Variants in SCUBE3 observed in about 807,000 individuals in gnomAD.
SCUBE3 encodes the protein signal peptide, CUB domain and EGF like domain containing 3.
In SCUBE3, 33 loss-of-function variants were observed where a neutral mutation model predicts 116.8. The ratio of observed to expected loss-of-function variants is 0.28; its 90% CI spans 0.21 to 0.38. The LOEUF (loss-of-function observed/expected upper bound fraction) is 0.38. Ranked by LOEUF, SCUBE3 falls within the 10% of genes least tolerant of loss-of-function variation. SCUBE3 has a pLI of 1.00. For missense variants in SCUBE3, 1,007 were observed against 1,324.8 expected (o/e 0.76, Z 3.72); for synonymous variants, 418 against 496.9 (o/e 0.84, Z 2.11).
At chr6:35,246,935 C>T (rs1028380646) in intron 21 of SCUBE3, among the ~76,000 whole-genome samples, 12 of 151,646 alleles carry the variant, frequency 7.9e-5, no homozygotes, top group Middle Eastern at 6.4e-3. Context: ...GCCGAGATGG[C>T]GCCATCGCAC....
chr6:35,240,521 C>T lies in SCUBE3; in HGVS notation c.1069+31C>T. The T allele has an allele frequency of 8.4e-7, 1 of 1,187,442 alleles. No homozygotes were observed. The highest frequency in any genetic ancestry group is 1.3e-5 in the South Asian group (1 of 75,290). 73.6% of individuals were successfully genotyped at this position (1,187,442 alleles called of 1,614,324 possible). ...CTAGTAAGCTTGCACCCCCAGCCAC[C>T]CTGGCCCCCTCACCTCTTCACCCTC... On this transcript the variant is annotated intron_variant, in intron 9 of 21. Coordinates refer to ENST00000274938, the MANE Select transcript of SCUBE3 (RefSeq NM_152753.4). The surrounding 1 kb of genome is among the most constrained non-coding windows in gnomAD (Gnocchi z 4.6).
intron 7 of SCUBE3, 58 bp downstream of exon 7, chr6:35,238,076 A>T: frequency 9.9e-7 from 1 of 1,010,262 alleles, no homozygotes; most frequent in Non-Finnish European, 1.5e-6. Context: ...TGAGGTTGGG[A>T]CCAGAGATAG....
rs756591342 is a variant in SCUBE3, at chr6:35,240,356, G to C, written c.953-18G>C. On this transcript the variant is annotated intron_variant, in intron 8 of 21. Transcript: ENST00000274938. This position sits in a 1 kb window ranked among gnomAD's most constrained non-coding sequence, Gnocchi z 4.6. ...TGCTCCAAGACAGATTCAGTGGCTTGAATCTTTGCTCTTCCAGATATAGAC... is the reference window on the plus strand; with the variant it reads ...TGCTCCAAGACAGATTCAGTGGCTTCAATCTTTGCTCTTCCAGATATAGAC... 6 of 1,494,408 alleles carry C rather than the reference G, an allele frequency of 4.0e-6. No individual in the cohort carries two copies. The East Asian group carries it at 1.4e-4, about 35-fold the overall frequency. 92.6% of individuals were successfully genotyped at this position (1,494,408 alleles called of 1,614,324 possible).
chr6:35,227,442 G>T (rs759763957), intron 1 of SCUBE3, 138 bp from the exon 2 acceptor site: 2 of 841,502 alleles, frequency 2.4e-6, no homozygotes, highest in Admixed American at 2.2e-5. Flanking sequence ...AGAGAGATGT[G>T]AGACAGCACC....
At position 35,239,611 on chromosome 6, in the gene SCUBE3, G is replaced by A. The variant is rs1783944019; in HGVS notation, c.830-141G>A. On this transcript the variant is annotated intron_variant, in intron 7 of 21. Transcript: ENST00000274938. The surrounding 1 kb of genome is among the most constrained non-coding windows in gnomAD (Gnocchi z 4.1). Reference sequence around the variant, plus strand: ...GAGAGACAGGAAAGAGAAAGAGAAAGAGACAGAGAGAGATCAAGAAGAGGC... The same window carrying A: ...GAGAGACAGGAAAGAGAAAGAGAAAAAGACAGAGAGAGATCAAGAAGAGGC... The A allele has an allele frequency of 1.4e-6, 1 of 697,274 alleles. No homozygotes were observed. The highest frequency in any genetic ancestry group is 1.8e-5 in the South Asian group (1 of 54,550). The allele number at this position is 697,274 out of a possible 1,614,324, so 43.2% of individuals were successfully genotyped here.
At position 35,233,838 on chromosome 6, in the gene SCUBE3, C is replaced by G. The variant is rs1031453121; in HGVS notation, c.712+537C>G. Among the ~76,000 whole-genome samples the G allele has an allele frequency of 9.2e-5, 14 of 152,142 alleles. No individual in the cohort carries two copies. Among genetic ancestry groups the G allele is most frequent in the African/African-American group, 3.1e-4 (13 of 41,504 alleles). On this transcript the variant is annotated intron_variant, in intron 6 of 21. Transcript: ENST00000274938. The surrounding 1 kb of genome is among the most constrained non-coding windows in gnomAD (Gnocchi z 5.7). The stretch of plus-strand genomic sequence containing the variant: ...GGTATCTTTTTCCTCTTTATTCCTT[C>G]TCTCCTCACTCTCCTCCTGCAACTC...
At chr6:35,225,976 G>A (rs1783305709) in intron 1 of SCUBE3, among the ~76,000 whole-genome samples, 1 of 152,202 alleles carries the variant, frequency 6.6e-6, no homozygotes, top group African/African-American at 2.4e-5. Context: ...TCACAGGAGA[G>A]TAATGCCTCC....
chr6:35,237,179 C>T (rs1448320417), intron 6 of SCUBE3, among the ~76,000 whole-genome samples: 1 of 152,168 alleles, frequency 6.6e-6, no homozygotes, highest in Non-Finnish European at 1.5e-5. Context: ...TTTTGCTTCT[C>T]CCCTCTCCTA....
intron 21 of SCUBE3, among the ~76,000 whole-genome samples, chr6:35,247,996 C>T (rs1784416560): frequency 2.0e-5 from 3 of 152,166 alleles, no homozygotes; most frequent in Admixed American, 2.0e-4. Context: ...CTCCAGAAGG[C>T]CAGTGTGGCT....
chr6:35,242,923 T>C, intron 14 of SCUBE3, 98 bp from the exon 15 acceptor site: 1 of 1,492,672 alleles, frequency 6.7e-7, no homozygotes, highest in East Asian at 2.3e-5. Flanking sequence ...AGCTAGTCCC[T>C]CTTACCATGC....
rs749055896 is a variant in SCUBE3, at chr6:35,248,850, C to G, written c.*145C>G. 3.1e-4 allele frequency: 205 copies of G among 654,368 alleles called. 1 individual carries two copies. Among genetic ancestry groups the G allele is most frequent in the Non-Finnish European group, 4.8e-4 (180 of 376,460 alleles). 40.5% of individuals were successfully genotyped at this position (654,368 alleles called of 1,614,324 possible). A position where few individuals can be genotyped will look rare whatever the true frequency, so the allele number is the denominator to read the frequency against. On this transcript the variant is annotated 3_prime_UTR_variant, in exon 22 of 22. Transcript: ENST00000274938. ...TATCACTACACAAACCAGGCACTCTCCCTTTCTGTCTTTCTAGTTTCCTTT... is the reference window on the plus strand; with the variant it reads ...TATCACTACACAAACCAGGCACTCTGCCTTTCTGTCTTTCTAGTTTCCTTT...
rs1784167038 is a variant in SCUBE3 at position 35,243,376 on chromosome 6, T to C, written c.1909+140T>C. On this transcript the variant is annotated intron_variant, in intron 15 of 21. Transcript: ENST00000274938. The surrounding 1 kb of genome is among the most constrained non-coding windows in gnomAD (Gnocchi z 6.6). ...GCTCCTGCCCGCTGTCCTCCCTTCC[T>C]TGGTTCCAGGCTGAAATCTAGAAGG... The C allele has an allele frequency of 8.9e-6, 8 of 894,018 alleles. No individual in the cohort carries two copies. Among genetic ancestry groups the C allele is most frequent in the Non-Finnish European group, 1.4e-5 (8 of 582,964 alleles). 55.4% of individuals were successfully genotyped at this position (894,018 alleles called of 1,614,324 possible).
In SCUBE3 at chr6:35,233,043, G is replaced by A; in HGVS notation, c.595+68G>A. 2 of 1,582,246 alleles carry A rather than the reference G, an allele frequency of 1.3e-6. No individual in the cohort carries two copies. Among genetic ancestry groups the A allele is most frequent in the Non-Finnish European group, 8.7e-7 (1 of 1,154,758 alleles). ...TGAAAACATAGAGGAAGGGTATAGG[G>A]CTTCAGGAGCAAGAGGACAGGGCTG... On this transcript the variant is annotated intron_variant, in intron 5 of 21. Coordinates refer to ENST00000274938, the MANE Select transcript of SCUBE3 (RefSeq NM_152753.4). This position sits in a 1 kb window ranked among gnomAD's most constrained non-coding sequence, Gnocchi z 5.7.
rs1244099510 is a variant in SCUBE3, at chr6:35,243,050, C to A, written c.1723C>A (p.Arg575=). The change falls in exon 15 of 22, where the codon CGA becomes AGA. Residue 575 remains arginine, a synonymous_variant. Coordinates refer to ENST00000274938, the MANE Select transcript of SCUBE3 (RefSeq NM_152753.4). The surrounding 1 kb of genome is among the most constrained non-coding windows in gnomAD (Gnocchi z 6.6). ...ASCGLPCLRQ[R]MERRLKGSLK... is the part of the protein sequence containing the mutation. ...CTGTGGGCTGCCCTGCCTCCGACAG[C>A]GAATGGAACGGCGGCTGAAAGGATC... 1.2e-6 allele frequency: 2 copies of A among 1,614,036 alleles called. No individual in the cohort carries two copies. Among genetic ancestry groups the A allele is most frequent in the African/African-American group, 2.7e-5 (2 of 74,944 alleles).
chr6:35,227,314 TAAAA>T (rs1156946660), intron 1 of SCUBE3, among the ~76,000 whole-genome samples: 3 of 152,076 alleles, frequency 2.0e-5, no homozygotes, highest in Non-Finnish European at 4.4e-5. Flanking sequence ...TGTTTTCAAA[TAAAA>T]AAAGGAGTGT....
intron 6 of SCUBE3, among the ~76,000 whole-genome samples, chr6:35,237,158 T>A (rs1562051912): frequency 6.6e-6 from 1 of 152,200 alleles, no homozygotes; most frequent in Non-Finnish European, 1.5e-5. Flanking sequence ...TCCTCTGGAT[T>A]CTTCTCTTTC....
At position 35,245,286 on chromosome 6, in the gene SCUBE3, C is replaced by A. The variant is rs1232522926; in HGVS notation, c.2460C>A (p.Tyr820Ter). ...EFTGYIESPN[Y>*]PGNYPAGVEC... is the part of the protein sequence containing the mutation. ...CTGGCTATATTGAGTCCCCCAACTA[C>A]CCGGGCAACTACCCAGCTGGTGTGG... Residue 820 changes from tyrosine (Y) to a stop codon, truncating the protein, a stop_gained, in exon 19 of 22, where the codon TAC (tyrosine) becomes TAA (stop). Transcript: ENST00000274938. LOFTEE classifies it high-confidence loss of function. The surrounding 1 kb of genome is among the most constrained non-coding windows in gnomAD (Gnocchi z 4.2). 6.2e-7 allele frequency: 1 copy of A among 1,614,116 alleles called. No homozygotes were observed. The highest frequency in any genetic ancestry group is 1.7e-5 in the Admixed American group (1 of 60,028).
chr6:35,220,234 G>C (rs1317290780), intron 1 of SCUBE3: 1 of 152,212 alleles, frequency 6.6e-6, no homozygotes, highest in Admixed American at 6.5e-5. Flanking sequence ...CTGGGAGTTT[G>C]AAGACCTGGA....
rs1784588868 is a variant in SCUBE3, at chr6:35,252,525, T to A, written c.*3820T>A. ...TTTTGTATTTGCTGCTTAACCTCAA[T>A]ATTACAGCCACAAACAAGGGGTACC... is the stretch of plus-strand genomic sequence containing the variant. On this transcript the variant is annotated 3_prime_UTR_variant, in exon 22 of 22. Transcript: ENST00000274938. 6.6e-6 allele frequency: 1 copy of A among 152,238 alleles called. No individual in the cohort carries two copies. Among genetic ancestry groups the A allele is most frequent in the Non-Finnish European group, 1.5e-5 (1 of 68,044 alleles). The allele number at this position is 152,238 out of a possible 1,614,324, so 9.4% of individuals were successfully genotyped here. A position where few individuals can be genotyped will look rare whatever the true frequency, so the allele number is the denominator to read the frequency against.
Sources: gnomAD v4.1 joint callset for allele counts (sites outside exome capture counted in the v4.1 genomes callset) on GRCh38, gnomAD v4.1.1 for gene constraint, Gnocchi (gnomAD v3.1) non-coding constraint, MANE v1.5 for transcripts, NCBI Gene and HGNC (gene_info 2026-07-23, HGNC 2026-07-21) for gene names.